SRCIN1: variants seen among roughly 807,000 people sequenced by gnomAD.
The protein encoded by SRCIN1 is P130Cas-associated protein.
Under a neutral mutation model 116.2 loss-of-function variants are expected in SRCIN1, and 50 were observed. That is an observed-to-expected ratio of 0.43 (90% CI 0.34 to 0.54). The LOEUF (loss-of-function observed/expected upper bound fraction) is 0.54, where lower values mean the gene tolerates loss of function less well. Ranked by LOEUF, SRCIN1 falls within the 20% of genes least tolerant of loss-of-function variation. The pLI is 0.02. For synonymous variants in SRCIN1, 736 were observed against 750.0 expected (o/e 0.98, Z 0.30); for missense variants, 1,446 against 1,672.0 (o/e 0.86, Z 2.36).
intron 2 of SRCIN1, among the ~76,000 whole-genome samples, chr17:38,576,321 G>C (rs992580183): frequency 6.6e-6 from 1 of 151,806 alleles, no homozygotes; most frequent in Admixed American, 6.6e-5. Context: ...CACAAATCCC[G>C]GCCAGTCGCG....
At position 38,552,940 on chromosome 17, in the gene SRCIN1, A is replaced by G; in HGVS notation, c.2202-85T>C. ...GAAATTGGGCAACTGGAAAGAAATC[A>G]GGCCACCAGTTGGATCGAAAGTAAA... is the stretch of plus-strand genomic sequence containing the variant. On this transcript the variant is annotated intron_variant, in intron 11 of 18. Coordinates refer to ENST00000617146, the MANE Select transcript of SRCIN1 (RefSeq NM_025248.3). The surrounding 1 kb of genome is among the most constrained non-coding windows in gnomAD (Gnocchi z 5.3). 6.5e-7 allele frequency: 1 copy of G among 1,542,090 alleles called. No homozygotes were observed. The highest frequency in any genetic ancestry group is 8.7e-7 in the Non-Finnish European group (1 of 1,144,356).
chr17:38,590,382 C>T (rs576641113), intron 1 of SRCIN1, among the ~76,000 whole-genome samples: 8 of 152,204 alleles, frequency 5.3e-5, no homozygotes, highest in African/African-American at 7.2e-5. Flanking sequence ...ACTACAGGCC[C>T]GTGCCACCAC....
chr17:38,551,092 T>TG (rs1905366511), intron 15 of SRCIN1, 63 bp downstream of exon 15: 1 of 691,122 alleles, frequency 1.4e-6, no homozygotes, highest in African/African-American at 1.8e-5. Context: ...CCCATCAGCC[T>TG]GGGCTCCTGA....
In SRCIN1 at chr17:38,605,736, G is replaced by T; in HGVS notation, c.-31C>A. ...GGGGGCGCGGGGGGCGGGGGCCCCG[G>T]GCCGGCCTGCCTGGCGCTCGCCCTC... On this transcript the variant is annotated 5_prime_UTR_variant, in exon 1 of 19. Transcript: ENST00000617146. 3 of 1,124,054 alleles carry T rather than the reference G, an allele frequency of 2.7e-6. No homozygotes were observed. Among genetic ancestry groups the T allele is most frequent in the Non-Finnish European group, 3.3e-6 (3 of 904,228 alleles). The allele number at this position is 1,124,054 out of a possible 1,614,324, so 69.6% of individuals were successfully genotyped here.
rs1017154247 is a variant in SRCIN1 at position 38,563,627 on chromosome 17, G to T, written c.542-106C>A. ...GCTGCGCCAGCCCCGCAGCGGCAGG[G>T]TCTGAGGCTAGACGCCGCCCCCGAG... On this transcript the variant is annotated intron_variant, in intron 4 of 18. Coordinates refer to ENST00000617146, the MANE Select transcript of SRCIN1 (RefSeq NM_025248.3). The surrounding 1 kb of genome is among the most constrained non-coding windows in gnomAD (Gnocchi z 5.8). 1 of 1,452,662 alleles carries T rather than the reference G, an allele frequency of 6.9e-7. No individual in the cohort carries two copies. Among genetic ancestry groups the T allele is most frequent in the Admixed American group, 2.0e-5 (1 of 50,892 alleles). 90.0% of individuals were successfully genotyped at this position (1,452,662 alleles called of 1,614,324 possible).
intron 2 of SRCIN1, among the ~76,000 whole-genome samples, chr17:38,576,936 GCCA>G (rs1242513960): frequency 6.6e-6 from 1 of 151,688 alleles, no homozygotes; most frequent in African/African-American, 2.4e-5. Context: ...AGCCACCTTA[GCCA>G]CCACCATCTG....
At chr17:38,533,663 G>A (rs996843481) in intron 18 of SRCIN1, among the ~76,000 whole-genome samples, 2 of 150,822 alleles carry the variant, frequency 1.3e-5, no homozygotes, top group Non-Finnish European at 3.0e-5. Context: ...GGTGGTCAGA[G>A]GGCAGGCCCA....
rs765918173 is a variant in SRCIN1, at chr17:38,583,860, G to A, written c.23-5069C>T. Among the ~76,000 whole-genome samples the A allele has an allele frequency of 4.6e-5, 7 of 152,116 alleles. 1 individual carries two copies. In the South Asian group the frequency reaches 8.3e-4, roughly 18 times the overall value. On this transcript the variant is annotated intron_variant, in intron 1 of 18. Transcript: ENST00000617146. Reference sequence around the variant, plus strand: ...GAGCCACCGCGCCAGGCCAAAGTAGGTTGCTTTCAATGAAAGACATTCCTG... The same window carrying A: ...GAGCCACCGCGCCAGGCCAAAGTAGATTGCTTTCAATGAAAGACATTCCTG...
Position 38,561,861 on chromosome 17 carries a change from C to G in SRCIN1, c.1302G>C (p.Ser434=). The part of the protein sequence containing the change: ...GGLYKRGSVR[S]LSTYSAAALQ... ...GCGCGGCGGCCGAGTAGGTGCTGAGCGAGCGCACCGAGCCGCGCTTGTAGA... is the reference window on the plus strand; with the variant it reads ...GCGCGGCGGCCGAGTAGGTGCTGAGGGAGCGCACCGAGCCGCGCTTGTAGA... The change falls in exon 7 of 19, where the codon TCG becomes TCC. Residue 434 remains serine (S), a synonymous_variant. Coordinates refer to ENST00000617146, the MANE Select transcript of SRCIN1 (RefSeq NM_025248.3). The G allele has an allele frequency of 6.8e-7, 1 of 1,460,808 alleles. No homozygotes were observed. The highest frequency in any genetic ancestry group is 1.5e-5 in the African/African-American group (1 of 66,838). The allele number at this position is 1,460,808 out of a possible 1,614,324, so 90.5% of individuals were successfully genotyped here.
intron 15 of SRCIN1, among the ~76,000 whole-genome samples, chr17:38,549,454 GC>G (rs1905258709): frequency 6.6e-6 from 1 of 152,172 alleles, no homozygotes; most frequent in Non-Finnish European, 1.5e-5. Context: ...TGGACCAGCA[GC>G]ACTGGCAGCG....
In SRCIN1 at chr17:38,552,297, C is replaced by T; in HGVS notation, c.2480+150G>A. The T allele has an allele frequency of 2.1e-6, 3 of 1,396,436 alleles. No homozygotes were observed. The highest frequency in any genetic ancestry group is 1.5e-5 in the South Asian group (1 of 68,140). The allele number at this position is 1,396,436 out of a possible 1,614,324, so 86.5% of individuals were successfully genotyped here. ...GTATAAGAGGAAGCCAGGTCTACAG[C>T]ATGCAGGGGTCACAGGGCAGAGCTG... On this transcript the variant is annotated intron_variant, in intron 13 of 18. Coordinates refer to ENST00000617146, the MANE Select transcript of SRCIN1 (RefSeq NM_025248.3). The surrounding 1 kb of genome is among the most constrained non-coding windows in gnomAD (Gnocchi z 5.3).
intron 1 of SRCIN1, among the ~76,000 whole-genome samples, chr17:38,586,886 CT>C (rs1908143363): frequency 6.6e-6 from 1 of 152,150 alleles, no homozygotes; most frequent in South Asian, 2.1e-4. Context: ...TGACACCTGC[CT>C]AGGAGGAGCG....
At chr17:38,603,872 C>A (rs1567889815) in intron 1 of SRCIN1, among the ~76,000 whole-genome samples, 1 of 152,158 alleles carries the variant, frequency 6.6e-6, no homozygotes, top group Non-Finnish European at 1.5e-5. Flanking sequence ...CTGGAGCACT[C>A]CTTCCTGTGT....
intron 2 of SRCIN1, among the ~76,000 whole-genome samples, chr17:38,577,847 C>T (rs138005066): frequency 2.0e-5 from 3 of 152,276 alleles, no homozygotes; most frequent in East Asian, 1.9e-4. Context: ...TAGACACAGG[C>T]GCTGTGTCTC....
At chr17:38,577,701 G>A (rs1353880088) in intron 2 of SRCIN1, among the ~76,000 whole-genome samples, 1 of 152,192 alleles carries the variant, frequency 6.6e-6, no homozygotes, top group Non-Finnish European at 1.5e-5. Context: ...TACACAGGAT[G>A]CTAGACCCAG....
At chr17:38,595,374 C>G (rs58064146) in intron 1 of SRCIN1, among the ~76,000 whole-genome samples, 5,044 of 152,208 alleles carry the variant, frequency 0.033, 257 homozygotes, top group African/African-American at 0.11. Flanking sequence ...CCCGCCACCA[C>G]ACCCAGCTAA....
intron 1 of SRCIN1, among the ~76,000 whole-genome samples, chr17:38,582,059 C>T (rs1472576176): frequency 6.6e-6 from 1 of 152,292 alleles, no homozygotes; most frequent in South Asian, 2.1e-4. Flanking sequence ...CAGTTCAGGC[C>T]TAGTCCTGCC....
chr17:38,581,776 A>T (rs566741180), intron 1 of SRCIN1, among the ~76,000 whole-genome samples: 151 of 152,358 alleles, frequency 9.9e-4, no homozygotes, highest in African/African-American at 2.8e-3. Flanking sequence ...CACAGTGGCC[A>T]GAAGTGTGGC....
chr17:38,604,731 AGGACTC>A lies in SRCIN1; in HGVS notation c.22+947_22+952del, dbSNP rs1909261811. ...CCAGCATCCTGCTGCCCCCACCGAC[AGGACTC>A]GGAGCTGGCCCGGGAGCTTCTGACG... On this transcript the variant is annotated intron_variant, in intron 1 of 18. Transcript: ENST00000617146. The surrounding 1 kb of genome is among the most constrained non-coding windows in gnomAD (Gnocchi z 4.3). The A allele has an allele frequency of 3.3e-6, 1 of 299,880 alleles. No homozygotes were observed. Among genetic ancestry groups the A allele is most frequent in the Non-Finnish European group, 6.5e-6 (1 of 153,222 alleles). 18.6% of individuals were successfully genotyped at this position (299,880 alleles called of 1,614,324 possible).
Sources: allele counts gnomAD v4.1 joint callset (sites outside exome capture counted in the v4.1 genomes callset), GRCh38; gene constraint gnomAD v4.1.1; non-coding constraint Gnocchi (gnomAD v3.1); transcripts MANE v1.5; gene names NCBI Gene and HGNC (gene_info 2026-07-23, HGNC 2026-07-21).